PIEZO1: variants seen among roughly 807,000 people sequenced by gnomAD.
The protein encoded by PIEZO1 is piezo-type mechanosensitive ion channel component 1.
In PIEZO1, 296 loss-of-function variants were observed where a neutral mutation model predicts 297.2. That is an observed-to-expected ratio of 1.00 (90% CI 0.91 to 1.10). The LOEUF (loss-of-function observed/expected upper bound fraction) is 1.10. Among genes scored for constraint, PIEZO1 ranks in the 50% least tolerant of loss-of-function variants. The pLI, the probability that PIEZO1 is intolerant of heterozygous loss-of-function variation, is 0.00. For synonymous variants in PIEZO1, 2,427 were observed against 1,507.5 expected (o/e 1.61, Z -14.13); for missense variants, 5,018 against 3,455.5 (o/e 1.45, Z -11.34).
At chr16:88,736,793 C>T (rs1029548243) in intron 10 of PIEZO1, 54 bp from the exon 11 acceptor site, 1 of 1,118,786 alleles carries the variant, frequency 8.9e-7, no homozygotes, top group Non-Finnish European at 1.3e-6. Flanking sequence ...GGCCTCCCCA[C>T]CCTGACTATG....
intron 1 of PIEZO1, among the ~76,000 whole-genome samples, chr16:88,778,447 G>C (rs1907771959): frequency 2.0e-5 from 3 of 152,220 alleles, no homozygotes; most frequent in Admixed American, 2.0e-4. Flanking sequence ...CGGCCCGTCA[G>C]AGGGAGCCTG....
chr16:88,755,771 CAA>C (rs776723554), intron 1 of PIEZO1, among the ~76,000 whole-genome samples: 2 of 152,258 alleles, frequency 1.3e-5, no homozygotes, highest in South Asian at 4.1e-4. Context: ...GCCCCCAGGC[CAA>C]GAGCTGCAGA....
chr16:88,783,013 A>T (rs2608604), intron 1 of PIEZO1, among the ~76,000 whole-genome samples: 1 of 152,034 alleles, frequency 6.6e-6, no homozygotes, highest in Non-Finnish European at 1.5e-5. Flanking sequence ...TTTATTTGGG[A>T]CCAGTTTTAG....
chr16:88,755,505 G>A (rs1051197511), intron 1 of PIEZO1, among the ~76,000 whole-genome samples: 8 of 152,218 alleles, frequency 5.3e-5, no homozygotes, highest in Non-Finnish European at 1.0e-4. Flanking sequence ...CACGATACGA[G>A]CCCCAGATCG....
intron 1 of PIEZO1, among the ~76,000 whole-genome samples, chr16:88,759,243 C>T (rs918337911): frequency 6.6e-6 from 1 of 152,260 alleles, no homozygotes; most frequent in Non-Finnish European, 1.5e-5. Flanking sequence ...AGCTGCAGGG[C>T]TAGAACCTGG....
At chr16:88,720,032 G>A (rs978260353) in intron 42 of PIEZO1, 37 bp downstream of exon 42, 33 of 1,548,916 alleles carry the variant, frequency 2.1e-5, no homozygotes, top group Admixed American at 7.8e-5. Context: ...GCACTGCCCC[G>A]CCCCTGGAGA....
chr16:88,717,833 A>T (rs1391085516), intron 44 of PIEZO1: 1 of 440,574 alleles, frequency 2.3e-6, no homozygotes, highest in Non-Finnish European at 4.5e-6. Flanking sequence ...AAAAAACTCT[A>T]ATAAAAAACA....
intron 1 of PIEZO1, among the ~76,000 whole-genome samples, chr16:88,772,550 G>A (rs1339788137): frequency 6.6e-6 from 1 of 152,092 alleles, no homozygotes; most frequent in African/African-American, 2.4e-5. Context: ...GGAGGCCGAG[G>A]CAAGCAGATC....
chr16:88,719,361 C>G, intron 44 of PIEZO1: 1 of 572,326 alleles, frequency 1.7e-6, no homozygotes, highest in Non-Finnish European at 3.1e-6. Flanking sequence ...AGGACCAACT[C>G]CGCTGCCCAC....
rs1286975959 is a variant in PIEZO1 at position 88,736,688 on chromosome 16, C to T, written c.1247G>A (p.Gly416Asp). 1 of 1,532,882 alleles carries T rather than the reference C, an allele frequency of 6.5e-7. No individual in the cohort carries two copies. Among genetic ancestry groups the T allele is most frequent in the Non-Finnish European group, 8.7e-7 (1 of 1,145,672 alleles). The allele number at this position is 1,532,882 out of a possible 1,614,324, so 95.0% of individuals were successfully genotyped here. A position where few individuals can be genotyped will look rare whatever the true frequency, so the allele number is the denominator to read the frequency against. ...PREASPLHSLGHLIMDQSYVC... is the reference protein window; with the variant it reads ...PREASPLHSLDHLIMDQSYVC... ...ATAGCTCTGGTCCATGATGAGGTGGCCCAGGCTGTGGAGCGGAGACGCCTC... is the reference window on the plus strand; with the variant it reads ...ATAGCTCTGGTCCATGATGAGGTGGTCCAGGCTGTGGAGCGGAGACGCCTC... Residue 416 changes from glycine to aspartate, a missense_variant, in exon 11 of 51, where the codon GGC (glycine) becomes GAC (aspartate). Transcript: ENST00000301015.
Position 88,735,149 on chromosome 16 carries a change from G to C in PIEZO1, c.1655C>G (p.Thr552Ser). The C allele has an allele frequency of 1.3e-6, 2 of 1,550,282 alleles. No homozygotes were observed. The highest frequency in any genetic ancestry group is 1.4e-5 in the African/African-American group (1 of 73,184). ...CCACCACTCACCTGTGTCTGCCACG[G>C]TGACCTCCGTCAGCGCAGCTGGAGA... ...AESPAALTEV[T>S]VADTEPTRTQ... Residue 552 changes from threonine (T) to serine (S), a missense_variant, in exon 13 of 51, where the codon ACC becomes AGC. Thr to Ser is a moderately conservative substitution (Grantham distance 58). Transcript: ENST00000301015.
In PIEZO1 at chr16:88,784,943, C is replaced by T; in HGVS notation, c.22G>A (p.Ala8Thr). 3 of 1,392,400 alleles carry T rather than the reference C, an allele frequency of 2.2e-6. No individual in the cohort carries two copies. Among genetic ancestry groups the T allele is most frequent in the African/African-American group, 1.5e-5 (1 of 66,886 alleles). 86.3% of individuals were successfully genotyped at this position (1,392,400 alleles called of 1,614,324 possible). A position where few individuals can be genotyped will look rare whatever the true frequency, so the allele number is the denominator to read the frequency against. ...GGCAGCAGCAGCCAGTACAGGACCG[C>T]GCCGAGCACGTGCGGCTCCATGGCT... MEPHVLG[A>T]VLYWLLLPCA... The change falls in exon 1 of 51, where the codon GCG (alanine) becomes ACG (threonine). Residue 8 changes from alanine to threonine, a missense_variant. By Grantham distance (58) the Ala-to-Thr change is moderately conservative (BLOSUM62 0). Transcript: ENST00000301015.
chr16:88,726,970 G>A lies in PIEZO1; in HGVS notation c.3456-12C>T, dbSNP rs1904489540. ...TGTCAAGGTAGGACCTGCCAGGCCGGAGCGTCAGGGCGGGCGCCCCGGCCA... is the reference window on the plus strand; with the variant it reads ...TGTCAAGGTAGGACCTGCCAGGCCGAAGCGTCAGGGCGGGCGCCCCGGCCA... On this transcript the variant is annotated splice_polypyrimidine_tract_variant and intron_variant, in intron 24 of 50. Coordinates refer to ENST00000301015, the MANE Select transcript of PIEZO1 (RefSeq NM_001142864.4). 1.9e-6 allele frequency: 3 copies of A among 1,550,054 alleles called. No individual in the cohort carries two copies. The highest frequency in any genetic ancestry group is 2.4e-5 in the East Asian group (1 of 40,906).
At chr16:88,730,913 C>A (rs894648795) in intron 22 of PIEZO1, among the ~76,000 whole-genome samples, 4 of 152,240 alleles carry the variant, frequency 2.6e-5, no homozygotes, top group African/African-American at 9.6e-5. Context: ...AAGTCTGTTT[C>A]GTAAAACCAC....
rs1456027199 is a variant in PIEZO1 at position 88,736,642 on chromosome 16, C to T, written c.1293G>A (p.Met431Ile). The T allele has an allele frequency of 6.6e-7, 1 of 1,526,688 alleles. No homozygotes were observed. The highest frequency in any genetic ancestry group is 8.8e-7 in the Non-Finnish European group (1 of 1,141,718). 94.6% of individuals were successfully genotyped at this position (1,526,688 alleles called of 1,614,324 possible). Residue 431 changes from methionine (M) to isoleucine (I), a missense_variant, in exon 11 of 51, where the codon ATG becomes ATA. By Grantham distance (10) the Met-to-Ile change is conservative. Coordinates refer to ENST00000301015, the MANE Select transcript of PIEZO1 (RefSeq NM_001142864.4). Reference protein sequence around the residue: ...DQSYVCALIAMMVWSITYHSW... With the variant: ...DQSYVCALIAIMVWSITYHSW... ...CCCAACCCCCACAGCCGCCTACCAT[C>T]ATGGCAATGAGCGCGCACACATAGC...
At position 88,726,331 on chromosome 16, in the gene PIEZO1, G is replaced by A; in HGVS notation, c.3921C>T (p.Tyr1307=). ...LQRRVFLSHY[Y]LHVRADLQAT... ...CCTGGAGGTCGGCCCTGACGTGCAG[G>A]TAGTAATGGCTAAGGAAGACGCGGC... Residue 1307 remains tyrosine (Y), a synonymous_variant, in exon 27 of 51, where the codon TAC becomes TAT. Coordinates refer to ENST00000301015, the MANE Select transcript of PIEZO1 (RefSeq NM_001142864.4). 4 of 1,550,394 alleles carry A rather than the reference G, an allele frequency of 2.6e-6. No homozygotes were observed. Among genetic ancestry groups the A allele is most frequent in the Non-Finnish European group, 3.5e-6 (4 of 1,146,938 alleles).
chr16:88,735,794 G>A (rs982304356), intron 12 of PIEZO1, among the ~76,000 whole-genome samples: 4 of 152,206 alleles, frequency 2.6e-5, no homozygotes, highest in Admixed American at 6.6e-5. Context: ...CAGAGCCCAC[G>A]CTCACACACA....
intron 5 of PIEZO1, chr16:88,740,999 G>A (rs1049383172): frequency 2.0e-5 from 3 of 153,808 alleles, no homozygotes; most frequent in African/African-American, 7.2e-5. Context: ...AGTTCACTCT[G>A]CCTCCCACTC....
At chr16:88,724,176 G>C (rs992630532) in intron 30 of PIEZO1, among the ~76,000 whole-genome samples, 1 of 152,232 alleles carries the variant, frequency 6.6e-6, no homozygotes, top group Non-Finnish European at 1.5e-5. Context: ...CGCGGGCTGG[G>C]GTGCAGAGTG....
Sources: allele counts gnomAD v4.1 joint callset (sites outside exome capture counted in the v4.1 genomes callset), GRCh38; gene constraint gnomAD v4.1.1; transcripts MANE v1.5; gene names NCBI Gene and HGNC (gene_info 2026-07-23, HGNC 2026-07-21).